Variants in C8orf34 observed in about 807,000 individuals in gnomAD.
C8orf34 encodes the protein uncharacterized protein C8orf34.
Under a neutral mutation model 68.3 loss-of-function variants are expected in C8orf34, and 65 were observed. The observed-to-expected ratio is 0.95, with a 90% confidence interval of 0.78 to 1.17. The LOEUF (loss-of-function observed/expected upper bound fraction) is 1.17. C8orf34 is among the 50% of genes most tolerant of loss of function. The probability of loss-of-function intolerance (pLI) is 0.00; values close to 1 mark genes in which losing one functional copy is unlikely to be tolerated. For synonymous variants in C8orf34, 244 were observed against 241.2 expected, an observed-to-expected ratio of 1.01 and a Z score of -0.11; for missense variants, 664 against 655.4, an observed-to-expected ratio of 1.01 and a Z score of -0.14.
intron 5 of C8orf34, among the ~76,000 whole-genome samples, chr8:68,508,801 T>C (rs925876739): frequency 6.6e-6 from 1 of 152,174 alleles, no homozygotes. Flanking sequence ...CTGGAAGCCA[T>C]GGCGACAAAA....
intron 8 of C8orf34, among the ~76,000 whole-genome samples, chr8:68,700,882 C>T (rs966356005): frequency 2.0e-5 from 3 of 151,976 alleles, no homozygotes; most frequent in Non-Finnish European, 2.9e-5. Context: ...GGAAATTTAA[C>T]ATTTTGAAAG....
chr8:68,505,604 G>A (rs111618643), intron 5 of C8orf34, among the ~76,000 whole-genome samples: 3,332 of 133,072 alleles, frequency 0.025, 1,031 homozygotes, highest in African/African-American at 0.12. Flanking sequence ...GGTGGCGGGC[G>A]CCTGTAGTCC....
intron 11 of C8orf34, among the ~76,000 whole-genome samples, chr8:68,780,154 T>C (rs1255633349): frequency 6.6e-6 from 1 of 152,200 alleles, no homozygotes; most frequent in East Asian, 1.9e-4. Context: ...ATGGACACAA[T>C]TTACACTTAT....
chr8:68,464,647 A>C (rs1287590100), intron 3 of C8orf34, among the ~76,000 whole-genome samples: 1 of 152,060 alleles, frequency 6.6e-6, no homozygotes. Flanking sequence ...ATAACACTGC[A>C]TATCTACAAC....
intron 8 of C8orf34, 83 bp from the exon 9 acceptor site, chr8:68,708,911 C>G (rs1226870217): frequency 1.0e-6 from 1 of 955,810 alleles, no homozygotes; most frequent in African/African-American, 1.7e-5. Flanking sequence ...TAGAAGTTCA[C>G]AGCCATGTCC....
Position 68,555,683 on chromosome 8 carries a change from T to C in C8orf34, c.1105+22534T>C, listed in dbSNP as rs1257106631. 2.6e-5 allele frequency among the ~76,000 whole-genome samples: 4 copies of C among 152,186 alleles called. No individual in the cohort carries two copies. The South Asian group carries it at 6.2e-4, about 24-fold the overall frequency. Reference sequence around the variant, plus strand: ...AGGGATGTATCAATAATAATGTATATATTTTTTAAATTTACGTCTGCAATA... The same window carrying C: ...AGGGATGTATCAATAATAATGTATACATTTTTTAAATTTACGTCTGCAATA... On this transcript the variant is annotated intron_variant, in intron 7 of 13. Coordinates refer to ENST00000518698, the MANE Select transcript of C8orf34 (RefSeq NM_052958.4).
chr8:68,475,625 G>A (rs751766291), intron 4 of C8orf34, among the ~76,000 whole-genome samples: 15 of 152,312 alleles, frequency 9.8e-5, no homozygotes, highest in East Asian at 3.9e-4. Context: ...GGCTTTGACT[G>A]TGATGCTTAA....
At chr8:68,456,572 G>T (rs1239429962) in intron 3 of C8orf34, among the ~76,000 whole-genome samples, 3 of 152,148 alleles carry the variant, frequency 2.0e-5, no homozygotes, top group East Asian at 1.9e-4. Flanking sequence ...TAGAAATTGT[G>T]CATTTTCAAA....
intron 7 of C8orf34, among the ~76,000 whole-genome samples, chr8:68,539,318 G>A (rs1395923181): frequency 6.6e-6 from 1 of 152,168 alleles, no homozygotes; most frequent in East Asian, 1.9e-4. Context: ...TCATTTGAAA[G>A]CAGTGCAAAA....
At position 68,385,225 on chromosome 8, in the gene C8orf34, A is replaced by AAAT. The variant is rs201521006; in HGVS notation, c.327+53886_327+53887insAAT. On this transcript the variant is annotated intron_variant, in intron 1 of 13. Coordinates refer to ENST00000518698, the MANE Select transcript of C8orf34 (RefSeq NM_052958.4). Reference sequence around the variant, plus strand: ...GTGGTAATTTTGTCAGCCTCATTTTAGTGATAAGGACATGGAGGCACAGAG... The same window carrying AAAT: ...GTGGTAATTTTGTCAGCCTCATTTTAAATGTGATAAGGACATGGAGGCACAGAG... Among the ~76,000 whole-genome samples the AAAT allele has an allele frequency of 5.0e-4, 76 of 152,256 alleles. 1 individual carries two copies. In the East Asian group the frequency reaches 5.4e-3, roughly 11 times the overall value.
chr8:68,719,912 G>A (rs1335030160), intron 9 of C8orf34, among the ~76,000 whole-genome samples: 1 of 151,922 alleles, frequency 6.6e-6, no homozygotes, highest in Admixed American at 6.6e-5. Flanking sequence ...AGTAGCATTT[G>A]CTCACAGTTC....
At chr8:68,375,656 G>T (rs989651616) in intron 1 of C8orf34, among the ~76,000 whole-genome samples, 3 of 152,214 alleles carry the variant, frequency 2.0e-5, no homozygotes, top group Non-Finnish European at 4.4e-5. Context: ...ATTTGTTAGA[G>T]AATGGGTCCT....
chr8:68,519,763 G>A (rs1192770496), intron 5 of C8orf34, among the ~76,000 whole-genome samples: 1 of 152,056 alleles, frequency 6.6e-6, no homozygotes, highest in East Asian at 1.9e-4. Flanking sequence ...GTTTAACTAT[G>A]TTATTTACTA....
intron 9 of C8orf34, among the ~76,000 whole-genome samples, chr8:68,710,473 T>A (rs1011438560): frequency 7.9e-5 from 12 of 152,152 alleles, no homozygotes; most frequent in African/African-American, 2.9e-4. Context: ...GACTATGGGC[T>A]GCCTTGGAGC....
intron 4 of C8orf34, among the ~76,000 whole-genome samples, chr8:68,482,328 A>G (rs1261444577): frequency 1.3e-5 from 2 of 152,218 alleles, no homozygotes; most frequent in Admixed American, 6.5e-5. Flanking sequence ...TTTATCAGCC[A>G]TGTGAAAACA....
intron 7 of C8orf34, chr8:68,533,760 A>C: frequency 1.0e-6 from 1 of 961,120 alleles, no homozygotes; most frequent in Non-Finnish European, 1.2e-6. Flanking sequence ...GCTTCATCAG[A>C]AATCTCTTCA....
intron 11 of C8orf34, among the ~76,000 whole-genome samples, chr8:68,777,745 A>C (rs951373640): frequency 6.6e-6 from 1 of 152,188 alleles, no homozygotes; most frequent in Non-Finnish European, 1.5e-5. Context: ...ATCATGAAAA[A>C]TCCCAATTTT....
At chr8:68,334,374 A>G (rs1805757053) in intron 1 of C8orf34, among the ~76,000 whole-genome samples, 1 of 151,744 alleles carries the variant, frequency 6.6e-6, no homozygotes, top group Admixed American at 6.6e-5. Flanking sequence ...CATTTCACAA[A>G]CTTTCTAATT....
Position 68,417,716 on chromosome 8 carries a change from G to A in C8orf34, c.328-21783G>A, listed in dbSNP as rs141185757. 8.8e-3 allele frequency among the ~76,000 whole-genome samples: 1,334 copies of A among 152,238 alleles called. 23 individuals are homozygous for A. Among genetic ancestry groups the A allele is most frequent in the African/African-American group, 0.03 (1,260 of 41,550 alleles). On this transcript the variant is annotated intron_variant, in intron 1 of 13. Coordinates refer to ENST00000518698, the MANE Select transcript of C8orf34 (RefSeq NM_052958.4). ...AAAGAAAATATCTGTTCAGTTTGAA[G>A]TCAGGTAGTGTGATGCCTCCAGCTT...
Sources: allele counts gnomAD v4.1 joint callset (sites outside exome capture counted in the v4.1 genomes callset), GRCh38; gene constraint gnomAD v4.1.1; transcripts MANE v1.5; gene names NCBI Gene and HGNC (gene_info 2026-07-23, HGNC 2026-07-21).